HELZ2: variants seen among roughly 807,000 people sequenced by gnomAD.
The protein encoded by HELZ2 is 3'-5' exoribonuclease HELZ2.
Under a neutral mutation model 208.8 loss-of-function variants are expected in HELZ2, and 143 were observed. The observed-to-expected ratio is 0.68, with a 90% CI of 0.60 to 0.79. HELZ2 has a LOEUF of 0.79. HELZ2 is among the 30% of genes least tolerant of loss of function. The probability of loss-of-function intolerance (pLI) is 0.00; values close to 1 mark genes in which losing one functional copy is unlikely to be tolerated. For synonymous variants in HELZ2, 1,705 were observed against 1,693.7 expected, an observed-to-expected ratio of 1.01 and a Z score of -0.16; for missense variants, 3,690 against 3,794.5, an observed-to-expected ratio of 0.97 and a Z score of 0.72.
Position 63,565,052 on chromosome 20 carries a change from G to A in HELZ2, c.3770C>T (p.Ala1257Val), listed in dbSNP as rs752893434. 3.8e-6 allele frequency: 6 copies of A among 1,563,302 alleles called. No individual in the cohort carries two copies. In the South Asian group the frequency reaches 4.6e-5, roughly 12 times the overall value. ...GAAGAGCCGGCTGTGCCGGGCCTCGGCGGTGAGCCTCTCAAGCCCCACACG... is the reference window on the plus strand; with the variant it reads ...GAAGAGCCGGCTGTGCCGGGCCTCGACGGTGAGCCTCTCAAGCCCCACACG... The change falls in exon 8 of 19, where the codon GCC becomes GTC. Residue 1257 changes from alanine to valine, a missense_variant. Physicochemically the swap from Ala to Val is moderately conservative, Grantham distance 64. Transcript: ENST00000467148.
chr20:63,567,624 G>A (rs371388731), exon 6 of HELZ2: 167 of 1,599,292 alleles, frequency 1.0e-4, no homozygotes, highest in African/African-American at 9.5e-4. Flanking sequence ...AGATGTCGGC[G>A]GCACTGCGGG....
chr20:63,561,282 G>C lies in HELZ2; in HGVS notation c.6954-8C>G. ...CACAAGACCTTCTTGTACCTGCCGG[G>C]GACACTGCTTGTCACCCCAGGGCCC... On this transcript the variant is annotated splice_polypyrimidine_tract_variant and splice_region_variant and intron_variant, in intron 13 of 18. Coordinates refer to ENST00000467148, the Ensembl canonical transcript of HELZ2. The C allele has an allele frequency of 6.2e-7, 1 of 1,612,380 alleles. No individual in the cohort carries two copies. The highest frequency in any genetic ancestry group is 8.5e-7 in the Non-Finnish European group (1 of 1,179,628).
chr20:63,567,232 G>A (rs957132784), exon 6 of HELZ2: 3 of 1,607,838 alleles, frequency 1.9e-6, no homozygotes, highest in Non-Finnish European at 2.5e-6. Context: ...GGCCGCCCGG[G>A]CCCTGGCCAC....
At chr20:63,558,687 C>CGT, downstream of HELZ2, 1 of 152,248 alleles carries the variant, frequency 6.6e-6, no homozygotes, top group South Asian at 2.1e-4. Context: ...TACAGGCGCC[C>CGT]GCCACCACGC....
At chr20:63,562,296 A>C (rs762597242) in exon 9 of HELZ2, 1 of 1,598,614 alleles carries the variant, frequency 6.3e-7, no homozygotes, top group African/African-American at 1.3e-5. Flanking sequence ...ACCTCTGCAG[A>C]GGGGCTGCGG....
chr20:63,561,416 G>A (rs1287186226), exon 13 of HELZ2: 43 of 1,612,618 alleles, frequency 2.7e-5, no homozygotes, highest in Non-Finnish European at 3.5e-5. Flanking sequence ...CTTGATTTCC[G>A]ACGAGTAAGG....
rs1188310650 is a variant in HELZ2, at chr20:63,560,784, G to A, written c.7281+11C>T. 2 of 1,608,132 alleles carry A rather than the reference G, an allele frequency of 1.2e-6. No homozygotes were observed. Among genetic ancestry groups the A allele is most frequent in the Non-Finnish European group, 1.7e-6 (2 of 1,177,598 alleles). On this transcript the variant is annotated intron_variant, in intron 15 of 18. Coordinates refer to ENST00000467148, the Ensembl canonical transcript of HELZ2. Reference sequence around the variant, plus strand: ...TGCAGGTGGGCTGGGGGCTGAGTGGGGCGGGCTCACCATGCGGTACTGAGT... The same window carrying A: ...TGCAGGTGGGCTGGGGGCTGAGTGGAGCGGGCTCACCATGCGGTACTGAGT...
intron 3 of HELZ2, 89 bp from the exon 5 acceptor site, chr20:63,569,754 G>T: frequency 1.5e-6 from 2 of 1,346,474 alleles, no homozygotes; most frequent in Non-Finnish European, 2.0e-6. Context: ...CAAGTGCAGG[G>T]TTCAGGTCCT....
rs6011902 is a variant in HELZ2, at chr20:63,566,482, T to C, written c.2515-29A>G. 32 of 1,439,160 alleles carry C rather than the reference T, an allele frequency of 2.2e-5. No homozygotes were observed. In the African/African-American group the frequency reaches 3.4e-4, roughly 15 times the overall value. The allele number at this position is 1,439,160 out of a possible 1,614,324, so 89.1% of individuals were successfully genotyped here. ...AAGACGCAGCAGGGCCGGGGATGAG[T>C]GCTGGACGCAGTGAGGACTCGGCCA... is the stretch of plus-strand genomic sequence containing the variant. On this transcript the variant is annotated intron_variant, in intron 6 of 18. Coordinates refer to ENST00000467148, the Ensembl canonical transcript of HELZ2.
At chr20:63,565,119 A>G in exon 8 of HELZ2, 1 of 1,573,142 alleles carries the variant, frequency 6.4e-7, no homozygotes, top group African/African-American at 1.3e-5. Flanking sequence ...GGGACCTGCG[A>G]TGGGTCCTTC....
At chr20:63,561,458 G>C in exon 13 of HELZ2, 2 of 1,608,420 alleles carry the variant, frequency 1.2e-6, no homozygotes, top group Non-Finnish European at 1.7e-6. Flanking sequence ...GTGGTGCAGG[G>C]TGATGCTCCT....
At chr20:63,559,800 G>C (rs1020860344) in intron 18 of HELZ2, 128 bp downstream of exon 19, 15 of 676,356 alleles carry the variant, frequency 2.2e-5, no homozygotes, top group South Asian at 1.0e-4. Context: ...CAGGTGGGAG[G>C]AGTCAGGGTC....
rs74179811 is a variant in HELZ2, at chr20:63,571,159, C to A, written c.279-291G>T. 11 of 296,618 alleles carry A rather than the reference C, an allele frequency of 3.7e-5. 1 individual carries two copies. The East Asian group carries it at 6.7e-4, about 18-fold the overall frequency. 18.4% of individuals were successfully genotyped at this position (296,618 alleles called of 1,614,324 possible). On this transcript the variant is annotated intron_variant, in intron 1 of 18. Coordinates refer to ENST00000467148, the Ensembl canonical transcript of HELZ2. ...CTCTGCCTACGGTGGGCTCCTGCCCCGCTCCAAGCTCCTGGGAACCTCTGG... is the reference window on the plus strand; with the variant it reads ...CTCTGCCTACGGTGGGCTCCTGCCCAGCTCCAAGCTCCTGGGAACCTCTGG...
intron 5 of HELZ2, 176 bp from the exon 7 acceptor site, chr20:63,567,803 C>T: frequency 3.6e-6 from 5 of 1,407,798 alleles, no homozygotes; most frequent in Admixed American, 2.8e-5. Flanking sequence ...CAAGAGGCCA[C>T]GGAGGGCTTC....
exon 1 of HELZ2, chr20:63,572,113 G>A (rs1304042628): frequency 6.2e-7 from 1 of 1,608,310 alleles, no homozygotes. Context: ...CTTACTTTGG[G>A]CAGAGCTCGA....
At chr20:63,561,642 G>A in exon 12 of HELZ2, 1 of 1,612,182 alleles carries the variant, frequency 6.2e-7, no homozygotes, top group East Asian at 2.2e-5. Flanking sequence ...GGCTCTTCCT[G>A]AGCAGCTTCC....
exon 8 of HELZ2, chr20:63,564,848 G>C (rs141914575): frequency 5.6e-6 from 9 of 1,611,664 alleles, no homozygotes; most frequent in Non-Finnish European, 7.6e-6. Flanking sequence ...GCCAAGCTCC[G>C]TGTGGTATTT....
exon 8 of HELZ2, chr20:63,563,146 C>G: frequency 5.6e-6 from 9 of 1,594,480 alleles, no homozygotes; most frequent in Non-Finnish European, 6.0e-6. Context: ...GGAAGCCGTG[C>G]TGCAGGCTGG....
At chr20:63,566,351 C>T (rs1182369798) in intron 7 of HELZ2, 27 bp downstream of exon 8, 7 of 1,543,952 alleles carry the variant, frequency 4.5e-6, no homozygotes, top group Non-Finnish European at 6.1e-6. Flanking sequence ...GGGCAGCTGG[C>T]AGCACCTGGC....
Sources: gnomAD v4.1 joint callset for allele counts on GRCh38, gnomAD v4.1.1 for gene constraint, MANE v1.5 for transcripts, NCBI Gene and HGNC (gene_info 2026-07-23, HGNC 2026-07-21) for gene names.